HIPK3: variants seen among roughly 807,000 people sequenced by gnomAD.
HIPK3 encodes the protein homeodomain-interacting protein kinase 3.
HIPK3 carries 47 observed loss-of-function variants against 124.2 expected under a neutral mutation model. That is an observed-to-expected ratio of 0.38 (90% confidence interval 0.30 to 0.48). The LOEUF is 0.48. HIPK3 is among the 20% of genes least tolerant of loss of function. The pLI, the probability that HIPK3 is intolerant of heterozygous loss-of-function variation, is 0.98. For missense variants in HIPK3, 1,286 were observed against 1,454.3 expected (o/e 0.88, Z 1.88); for synonymous variants, 482 against 515.2 (o/e 0.94, Z 0.87).
chr11:33,263,446 G>C (rs1850877693), intron 1 of HIPK3, among the ~76,000 whole-genome samples: 1 of 152,146 alleles, frequency 6.6e-6, no homozygotes, highest in Non-Finnish European at 1.5e-5. Context: ...CTCCTGAGTA[G>C]CTGGGATTGC....
chr11:33,276,593 T>C (rs1851276653), intron 1 of HIPK3, among the ~76,000 whole-genome samples: 1 of 152,228 alleles, frequency 6.6e-6, no homozygotes, highest in African/African-American at 2.4e-5. Flanking sequence ...TTCACTTTGG[T>C]GTGGTTACCA....
At chr11:33,347,019 T>A (rs924927827) in intron 8 of HIPK3, among the ~76,000 whole-genome samples, 3 of 152,000 alleles carry the variant, frequency 2.0e-5, no homozygotes, top group Non-Finnish European at 4.4e-5. Context: ...ACCCTGTCTC[T>A]ACCAAAAATT....
rs770013268 is a variant in HIPK3 at position 33,351,676 on chromosome 11, G to A, written c.2876G>A (p.Gly959Glu). 1.2e-6 allele frequency: 2 copies of A among 1,614,122 alleles called. No homozygotes were observed. ...GGCTCTCCGACATCTGACTCTTCCG[G>A]GCATGACAGTCCATTTGCAGAGAGC... ...VDGSPTSDSSGHDSPFAESTF... is the reference protein window; with the variant it reads ...VDGSPTSDSSEHDSPFAESTF... The change falls in exon 15 of 17, where the codon GGG becomes GAG. Residue 959 changes from glycine (G) to glutamate (E), a missense_variant. By Grantham distance (98) the Gly-to-Glu change is moderately conservative (BLOSUM62 -2). Coordinates refer to ENST00000303296, the MANE Select transcript of HIPK3 (RefSeq NM_005734.5).
chr11:33,261,121 ATATAT>A (rs1850808933), intron 1 of HIPK3, among the ~76,000 whole-genome samples: 1 of 94,902 alleles, frequency 1.1e-5, no homozygotes, highest in Admixed American at 1.2e-4. Flanking sequence ...TACATAAAAT[ATATAT>A]TATATATAAA....
At chr11:33,297,752 C>T (rs1033885489) in intron 2 of HIPK3, among the ~76,000 whole-genome samples, 17 of 148,138 alleles carry the variant, frequency 1.1e-4, no homozygotes, top group Admixed American at 4.0e-4. Context: ...AAGTCAATGC[C>T]TGGCTTCAGA....
intron 2 of HIPK3, among the ~76,000 whole-genome samples, chr11:33,303,878 A>G (rs1852075234): frequency 6.6e-6 from 1 of 152,236 alleles, no homozygotes; most frequent in South Asian, 2.1e-4. Flanking sequence ...TTGCATTACA[A>G]AGAATGTCGT....
intron 2 of HIPK3, among the ~76,000 whole-genome samples, chr11:33,324,253 T>C (rs1321975387): frequency 6.6e-6 from 1 of 152,176 alleles, no homozygotes; most frequent in Non-Finnish European, 1.5e-5. Flanking sequence ...TTTTAAAGTG[T>C]ATTGTGTTGT....
At chr11:33,283,000 GT>G (rs1207214779) in intron 1 of HIPK3, among the ~76,000 whole-genome samples, 4 of 151,930 alleles carry the variant, frequency 2.6e-5, no homozygotes, top group South Asian at 4.1e-4. Context: ...TTTTCAGTGT[GT>G]TTTTTCTTCA....
rs1299972819 is a variant in HIPK3 at position 33,286,831 on chromosome 11, C to T, written c.417C>T (p.Ser139=). ...RKSEELDNHS[S]AMQIVDELSI... ...GTGAGGAGTTGGATAATCATAGCAG[C>T]GCAATGCAGATTGTCGATGAATTGT... The change falls in exon 2 of 17, where the codon AGC becomes AGT. Residue 139 remains serine, a synonymous_variant. Transcript: ENST00000303296. 1.9e-5 allele frequency: 31 copies of T among 1,614,084 alleles called. No individual in the cohort carries two copies. The highest frequency in any genetic ancestry group is 2.5e-5 in the Non-Finnish European group (29 of 1,180,004).
chr11:33,272,956 T>G, intron 1 of HIPK3, among the ~76,000 whole-genome samples: 1 of 151,224 alleles, frequency 6.6e-6, no homozygotes, highest in Non-Finnish European at 1.5e-5. Context: ...CAAGGCATCC[T>G]CCCAAGTAGC....
chr11:33,291,492 C>T (rs950571532), intron 2 of HIPK3, among the ~76,000 whole-genome samples: 1 of 152,134 alleles, frequency 6.6e-6, no homozygotes, highest in Non-Finnish European at 1.5e-5. Flanking sequence ...GGGACAGTGG[C>T]CAGAAATTGT....
At chr11:33,263,361 G>C (rs1195702932) in intron 1 of HIPK3, among the ~76,000 whole-genome samples, 1 of 152,104 alleles carries the variant, frequency 6.6e-6, no homozygotes, top group Non-Finnish European at 1.5e-5. Flanking sequence ...CTGTCACCAG[G>C]CTGGAGTGCA....
chr11:33,273,270 C>T (rs886687613), intron 1 of HIPK3, among the ~76,000 whole-genome samples: 2 of 151,860 alleles, frequency 1.3e-5, no homozygotes, highest in East Asian at 3.9e-4. Flanking sequence ...TTTGGGAGGC[C>T]GAGGCGGGCA....
chr11:33,268,849 A>C (rs1354138797), intron 1 of HIPK3, among the ~76,000 whole-genome samples: 2 of 152,156 alleles, frequency 1.3e-5, no homozygotes, highest in Admixed American at 6.6e-5. Context: ...CTAGCTTGAA[A>C]TGATTTTGCA....
intron 1 of HIPK3, among the ~76,000 whole-genome samples, chr11:33,280,995 T>C (rs1330329761): frequency 6.6e-6 from 1 of 151,540 alleles, no homozygotes; most frequent in Non-Finnish European, 1.5e-5. Flanking sequence ...CTGGACCTTA[T>C]CACAGACCTA....
intron 1 of HIPK3, chr11:33,258,243 C>A: frequency 1.3e-6 from 1 of 797,130 alleles, no homozygotes; most frequent in Non-Finnish European, 1.5e-6. Context: ...AACGGCTCTT[C>A]CCAGCAACCG....
At chr11:33,335,927 A>G (rs1012687350) in intron 3 of HIPK3, among the ~76,000 whole-genome samples, 3 of 149,054 alleles carry the variant, frequency 2.0e-5, no homozygotes, top group Admixed American at 1.3e-4. Context: ...TGGGGGAATC[A>G]ATATTTCAGG....
At chr11:33,310,205 T>C (rs1852280446) in intron 2 of HIPK3, among the ~76,000 whole-genome samples, 1 of 152,252 alleles carries the variant, frequency 6.6e-6, no homozygotes, top group East Asian at 1.9e-4. Context: ...CACTAATCAC[T>C]GTGGCTGGCT....
intron 1 of HIPK3, among the ~76,000 whole-genome samples, chr11:33,260,195 A>C (rs1439516820): frequency 6.6e-6 from 1 of 152,140 alleles, no homozygotes; most frequent in Non-Finnish European, 1.5e-5. Context: ...GATACCATAA[A>C]ATAGGGTGTA....
Sources: gnomAD v4.1 joint callset for allele counts (sites outside exome capture counted in the v4.1 genomes callset) on GRCh38, gnomAD v4.1.1 for gene constraint, MANE v1.5 for transcripts, NCBI Gene and HGNC (gene_info 2026-07-23, HGNC 2026-07-21) for gene names.